Variants in UPK1B observed in about 807,000 individuals in gnomAD.
The protein encoded by UPK1B is uroplakin-1b.
UPK1B carries 28 observed loss-of-function variants against 34.2 expected under a neutral mutation model. That is an observed-to-expected ratio of 0.82 (90% CI 0.61 to 1.12). The LOEUF (loss-of-function observed/expected upper bound fraction) is 1.12, where lower values mean the gene tolerates loss of function less well. UPK1B is among the 50% of genes most tolerant of loss of function. The probability of loss-of-function intolerance (pLI) is 0.00; values close to 1 mark genes in which losing one functional copy is unlikely to be tolerated. For synonymous variants in UPK1B, 81 were observed against 110.4 expected, an observed-to-expected ratio of 0.73 and a Z score of 1.67; for missense variants, 325 against 320.9, an observed-to-expected ratio of 1.01 and a Z score of -0.10.
chr3:119,189,897 T>C (rs527930502), intron 3 of UPK1B, among the ~76,000 whole-genome samples: 45 of 152,354 alleles, frequency 3.0e-4, no homozygotes, highest in African/African-American at 1.1e-3. Context: ...CACATGCATG[T>C]AAATGCACAC....
intron 1 of UPK1B, among the ~76,000 whole-genome samples, chr3:119,183,454 G>T (rs1194367619): frequency 1.3e-5 from 2 of 151,984 alleles, no homozygotes; most frequent in Non-Finnish European, 2.9e-5. Flanking sequence ...TAGAGACGGG[G>T]TTTTGCCATG....
chr3:119,182,382 T>C (rs1002625654), intron 1 of UPK1B, among the ~76,000 whole-genome samples: 1 of 152,172 alleles, frequency 6.6e-6, no homozygotes, highest in Non-Finnish European at 1.5e-5. Flanking sequence ...AACAAAATCA[T>C]AACCCAATAC....
At position 119,187,890 on chromosome 3, in the gene UPK1B, GC is replaced by G; in HGVS notation, c.186del (p.Ile63TyrfsTer13). On this transcript the variant is annotated frameshift_variant, in exon 3 of 8. Coordinates refer to ENST00000264234, the MANE Select transcript of UPK1B (RefSeq NM_006952.4). LOFTEE classifies it high-confidence loss of function. ...NDDIYGAAWIGIFVGICLFCL... is the reference protein window; with the variant it reads ...NDDIYGAAWIXIFVGICLFCL... Reference sequence around the variant, plus strand: ...GACATCTATGGGGCTGCCTGGATCGGCATATTTGTGGGCATCTGCCTCTTCT... The same window carrying G: ...GACATCTATGGGGCTGCCTGGATCGGATATTTGTGGGCATCTGCCTCTTCT... 2 of 1,614,112 alleles carry G rather than the reference GC, an allele frequency of 1.2e-6. No individual in the cohort carries two copies. The highest frequency in any genetic ancestry group is 1.7e-6 in the Non-Finnish European group (2 of 1,180,028).
intron 1 of UPK1B, among the ~76,000 whole-genome samples, chr3:119,177,378 A>G (rs1408765968): frequency 1.3e-5 from 2 of 152,230 alleles, no homozygotes; most frequent in Non-Finnish European, 2.9e-5. Flanking sequence ...GACAAACCCC[A>G]TAGAAGGCTG....
intron 1 of UPK1B, among the ~76,000 whole-genome samples, chr3:119,173,955 G>A (rs945877574): frequency 6.6e-6 from 1 of 152,028 alleles, no homozygotes; most frequent in Non-Finnish European, 1.5e-5. Flanking sequence ...CAAGCACCCC[G>A]AGAAACCCTA....
At chr3:119,175,426 C>T (rs1020649117) in intron 1 of UPK1B, among the ~76,000 whole-genome samples, 1 of 152,148 alleles carries the variant, frequency 6.6e-6, no homozygotes, top group African/African-American at 2.4e-5. Context: ...GCCTGATAGC[C>T]ATGCAGGCTG....
chr3:119,193,740 G>C (rs894290613), intron 5 of UPK1B, among the ~76,000 whole-genome samples: 3 of 151,904 alleles, frequency 2.0e-5, no homozygotes, highest in Admixed American at 6.6e-5. Context: ...TTAATTTTAT[G>C]ATTCTCAATT....
chr3:119,187,999 G>A, intron 3 of UPK1B, 24 bp downstream of exon 3: 2 of 1,612,690 alleles, frequency 1.2e-6, no homozygotes, highest in Non-Finnish European at 1.7e-6. Flanking sequence ...ATTCTCTGGA[G>A]TTGTCTCCCT....
chr3:119,175,022 T>A (rs1470289847), intron 1 of UPK1B, among the ~76,000 whole-genome samples: 1,040 of 46,762 alleles, frequency 0.022, 31 homozygotes, highest in African/African-American at 0.1. Flanking sequence ...CTTTTTTTTT[T>A]TTTTTTTTTT....
In UPK1B at chr3:119,204,442, G is replaced by C. The variant is rs2078109372; in HGVS notation, c.*475G>C. On this transcript the variant is annotated 3_prime_UTR_variant, in exon 8 of 8. Transcript: ENST00000264234. ...AATATACCTTTTGCATTTCTTTCTAGAGTAGCTCCCATATATGGAGATGGG... is the reference window on the plus strand; with the variant it reads ...AATATACCTTTTGCATTTCTTTCTACAGTAGCTCCCATATATGGAGATGGG... The C allele has an allele frequency of 6.3e-6, 1 of 157,728 alleles. No individual in the cohort carries two copies. The highest frequency in any genetic ancestry group is 1.4e-5 in the Non-Finnish European group (1 of 71,354). The allele number at this position is 157,728 out of a possible 1,614,324, so 9.8% of individuals were successfully genotyped here.
chr3:119,176,835 A>G (rs1374546460), intron 1 of UPK1B, among the ~76,000 whole-genome samples: 2 of 152,340 alleles, frequency 1.3e-5, no homozygotes, highest in African/African-American at 4.8e-5. Flanking sequence ...CCACATATCT[A>G]AAACAGTTTC....
chr3:119,192,925 A>G (rs2078050488), intron 5 of UPK1B, among the ~76,000 whole-genome samples: 1 of 109,632 alleles, frequency 9.1e-6, no homozygotes, highest in Non-Finnish European at 1.8e-5. Flanking sequence ...CAAATCTCAG[A>G]AGAGATGCCT....
chr3:119,177,919 T>C (rs745714465), intron 1 of UPK1B, among the ~76,000 whole-genome samples: 1 of 152,082 alleles, frequency 6.6e-6, no homozygotes, highest in Non-Finnish European at 1.5e-5. Flanking sequence ...GAGAGGGATA[T>C]AGGGAAGGAA....
chr3:119,190,359 A>G, intron 4 of UPK1B, 40 bp downstream of exon 4: 1 of 1,496,690 alleles, frequency 6.7e-7, no homozygotes, highest in South Asian at 1.1e-5. Flanking sequence ...ATGAATTATC[A>G]TTATTATAAC....
intron 7 of UPK1B, among the ~76,000 whole-genome samples, chr3:119,201,801 T>A (rs758829179): frequency 9.9e-5 from 15 of 152,204 alleles, no homozygotes; most frequent in Non-Finnish European, 1.8e-4. Flanking sequence ...TCCATGATGA[T>A]GTATTTGACT....
chr3:119,187,692 C>A, intron 2 of UPK1B, 83 bp from the exon 3 acceptor site: 4 of 1,432,292 alleles, frequency 2.8e-6, no homozygotes, highest in Non-Finnish European at 3.9e-6. Context: ...GGAAAGGGAG[C>A]CAGTCACTCT....
intron 6 of UPK1B, among the ~76,000 whole-genome samples, chr3:119,198,114 G>A (rs1317046137): frequency 1.9e-5 from 2 of 104,804 alleles, no homozygotes; most frequent in Admixed American, 1.5e-4. Flanking sequence ...ACAAATTATA[G>A]GGAAGGATCC....
intron 6 of UPK1B, among the ~76,000 whole-genome samples, chr3:119,197,359 GA>G (rs919014956): frequency 1.3e-5 from 2 of 152,048 alleles, no homozygotes; most frequent in East Asian, 3.8e-4. Flanking sequence ...AAATGATGGT[GA>G]AAAAAATGGG....
chr3:119,174,764 C>T (rs1390677529), intron 1 of UPK1B, among the ~76,000 whole-genome samples: 2 of 152,058 alleles, frequency 1.3e-5, no homozygotes, highest in Admixed American at 6.5e-5. Flanking sequence ...AGTTTTCAGA[C>T]CCTATGAAGA....
Sources: gnomAD v4.1 joint callset for allele counts (sites outside exome capture counted in the v4.1 genomes callset) on GRCh38, gnomAD v4.1.1 for gene constraint, MANE v1.5 for transcripts, NCBI Gene and HGNC (gene_info 2026-07-23, HGNC 2026-07-21) for gene names.